The following SSH2 variants were observed in gnomAD, a reference collection of about 807,000 sequenced individuals.
The protein encoded by SSH2 is protein phosphatase Slingshot homolog 2.
A neutral mutation model predicts 135.2 loss-of-function variants in SSH2; 37 were observed. The ratio of observed to expected loss-of-function variants is 0.27; its 90% CI spans 0.21 to 0.36. The LOEUF is 0.36. Ranked by LOEUF, SSH2 falls within the 10% of genes least tolerant of loss-of-function variation. SSH2 has a pLI of 1.00. For synonymous variants in SSH2, 628 were observed against 646.2 expected, an observed-to-expected ratio of 0.97 and a Z score of 0.43; for missense variants, 1,408 against 1,765.3, an observed-to-expected ratio of 0.80 and a Z score of 3.63.
At chr17:29,765,519 A>G (rs2041422367) in intron 3 of SSH2, among the ~76,000 whole-genome samples, 1 of 152,212 alleles carries the variant, frequency 6.6e-6, no homozygotes, top group Non-Finnish European at 1.5e-5. Flanking sequence ...GAAAATGAAA[A>G]TGTTTAGATT....
intron 2 of SSH2, among the ~76,000 whole-genome samples, chr17:29,820,941 C>T (rs932420430): frequency 1.3e-5 from 2 of 152,040 alleles, no homozygotes; most frequent in East Asian, 1.9e-4. Flanking sequence ...GGGAATCAAC[C>T]GTAAGAACTC....
At chr17:29,874,498 G>A (rs984036123) in intron 1 of SSH2, among the ~76,000 whole-genome samples, 13 of 152,146 alleles carry the variant, frequency 8.5e-5, no homozygotes, top group Non-Finnish European at 1.8e-4. Flanking sequence ...CCTGCATGCT[G>A]TTCTCATGAT....
chr17:29,841,862 G>C (rs938786469), intron 2 of SSH2, among the ~76,000 whole-genome samples: 2 of 150,776 alleles, frequency 1.3e-5, no homozygotes, highest in African/African-American at 4.9e-5. Flanking sequence ...GAGTAGCTGG[G>C]ACTATAGGAG....
At chr17:29,851,579 G>A (rs2065560620) in intron 1 of SSH2, among the ~76,000 whole-genome samples, 1 of 151,714 alleles carries the variant, frequency 6.6e-6, no homozygotes, top group Admixed American at 6.6e-5. Context: ...GGCAATAAGA[G>A]CGAAACGCCA....
At position 29,629,682 on chromosome 17, in the gene SSH2, A is replaced by G. The variant is rs1321905229; in HGVS notation, c.*1159T>C. ...TACATAAATACTGTGTACAAACTTTAGAGAAATGACAAACCTTCCAGGAAA... is the reference window on the plus strand; with the variant it reads ...TACATAAATACTGTGTACAAACTTTGGAGAAATGACAAACCTTCCAGGAAA... On this transcript the variant is annotated 3_prime_UTR_variant, in exon 16 of 16. Transcript: ENST00000540801. 1 of 152,622 alleles carries G rather than the reference A, an allele frequency of 6.6e-6. No individual in the cohort carries two copies. The highest frequency in any genetic ancestry group is 1.5e-5 in the Non-Finnish European group (1 of 68,038). 9.5% of individuals were successfully genotyped at this position (152,622 alleles called of 1,614,324 possible).
At chr17:29,803,587 A>G (rs942450212) in intron 2 of SSH2, among the ~76,000 whole-genome samples, 21 of 152,178 alleles carry the variant, frequency 1.4e-4, no homozygotes, top group African/African-American at 5.1e-4. Context: ...AAAGTCCAAC[A>G]CAGATTCAAG....
At position 29,661,010 on chromosome 17, in the gene SSH2, G is replaced by A. The variant is rs965029866; in HGVS notation, c.1033-5403C>T. ...CAAGAGGCAGAGGTTGCAGTGAGCC[G>A]AGATAGCACCATTGCACTCCAGCCT... On this transcript the variant is annotated intron_variant, in intron 11 of 15. Coordinates refer to ENST00000540801, the MANE Select transcript of SSH2 (RefSeq NM_001282129.2). Among the ~76,000 whole-genome samples, 9 of 143,040 alleles carry A rather than the reference G, an allele frequency of 6.3e-5. No homozygotes were observed. The East Asian group carries it at 8.2e-4, about 13-fold the overall frequency. 93.8% of individuals were successfully genotyped at this position (143,040 alleles called of 152,430 possible).
chr17:29,743,951 T>A (rs576083066), intron 3 of SSH2, among the ~76,000 whole-genome samples: 1 of 150,756 alleles, frequency 6.6e-6, no homozygotes, highest in African/African-American at 2.4e-5. Context: ...AACGCTTTTA[T>A]TTGGTCCATT....
At chr17:29,730,165 A>G (rs1379300452) in intron 3 of SSH2, among the ~76,000 whole-genome samples, 1 of 151,794 alleles carries the variant, frequency 6.6e-6, no homozygotes, top group Non-Finnish European at 1.5e-5. Context: ...TACTAAAAAT[A>G]CAAAAAATTA....
intron 2 of SSH2, among the ~76,000 whole-genome samples, chr17:29,810,946 A>G (rs1399091223): frequency 3.3e-5 from 5 of 151,926 alleles, no homozygotes; most frequent in African/African-American, 1.2e-4. Flanking sequence ...TTTTTTTCTC[A>G]GCTCATCGGC....
At chr17:29,803,922 GA>G (rs1202885543) in intron 2 of SSH2, among the ~76,000 whole-genome samples, 1 of 152,202 alleles carries the variant, frequency 6.6e-6, no homozygotes, top group Non-Finnish European at 1.5e-5. Context: ...TGGCAGTAAA[GA>G]CACACAGTAT....
intron 1 of SSH2, among the ~76,000 whole-genome samples, chr17:29,851,814 G>A (rs1421632651): frequency 3.9e-5 from 6 of 151,946 alleles, no homozygotes; most frequent in South Asian, 2.1e-4. Flanking sequence ...CTTCAAGTGA[G>A]CCATAATTGT....
chr17:29,886,746 CA>C (rs1194032622), intron 1 of SSH2, among the ~76,000 whole-genome samples: 1,650 of 57,008 alleles, frequency 0.029, 11 homozygotes, highest in African/African-American at 0.072. Context: ...GACTCCATCT[CA>C]AAAAAAAAAA....
At chr17:29,845,345 G>A (rs770684526) in intron 2 of SSH2, among the ~76,000 whole-genome samples, 3 of 152,126 alleles carry the variant, frequency 2.0e-5, no homozygotes, top group Non-Finnish European at 4.4e-5. Context: ...TTACAAAGAA[G>A]CTCTTCAATT....
Position 29,630,256 on chromosome 17 carries a change from G to GT in SSH2, c.*584dup, listed in dbSNP as rs1179056962. ...GAGCCGGCCATTATCATGTCTTACT[G>GT]TAACGATACACTCTGGAACACCGGA... On this transcript the variant is annotated 3_prime_UTR_variant, in exon 16 of 16. Transcript: ENST00000540801. 6.6e-6 allele frequency: 1 copy of GT among 152,216 alleles called. No individual in the cohort carries two copies. The highest frequency in any genetic ancestry group is 1.5e-5 in the Non-Finnish European group (1 of 68,038). 9.4% of individuals were successfully genotyped at this position (152,216 alleles called of 1,614,324 possible).
intron 3 of SSH2, chr17:29,777,893 G>C (rs566473683): frequency 6.6e-6 from 1 of 151,990 alleles, no homozygotes; most frequent in Non-Finnish European, 1.5e-5. Context: ...ATGAGTAAGG[G>C]GCCAGCAGAT....
At chr17:29,741,948 T>C (rs1235856698) in intron 3 of SSH2, among the ~76,000 whole-genome samples, 2 of 147,272 alleles carry the variant, frequency 1.4e-5, no homozygotes, top group African/African-American at 2.5e-5. Context: ...TTTTTTTTTT[T>C]TTTTTTGATG....
intron 5 of SSH2, among the ~76,000 whole-genome samples, chr17:29,693,279 A>T (rs1417791596): frequency 2.6e-5 from 4 of 151,828 alleles, no homozygotes; most frequent in Admixed American, 2.0e-4. Context: ...TAAGAATAGC[A>T]TCCCCCCCGT....
intron 3 of SSH2, among the ~76,000 whole-genome samples, chr17:29,774,488 C>T (rs1409937128): frequency 6.6e-6 from 1 of 152,198 alleles, no homozygotes; most frequent in African/African-American, 2.4e-5. Flanking sequence ...TGGTCTTGAA[C>T]TCTTGACCTC....
Sources: allele counts gnomAD v4.1 joint callset (sites outside exome capture counted in the v4.1 genomes callset), GRCh38; gene constraint gnomAD v4.1.1; transcripts MANE v1.5; gene names NCBI Gene and HGNC (gene_info 2026-07-23, HGNC 2026-07-21).